The following ROBO2 variants were observed in gnomAD, a reference collection of about 807,000 sequenced individuals.
The protein encoded by ROBO2 is roundabout guidance receptor 2.
ROBO2 carries 53 observed loss-of-function variants against 160.8 expected under a neutral mutation model. That is an observed-to-expected ratio of 0.33 (90% CI 0.26 to 0.41). ROBO2 has a LOEUF of 0.41. Among genes scored for constraint, ROBO2 ranks in the 10% least tolerant of loss-of-function variants. The probability of loss-of-function intolerance (pLI) is 1.00; values close to 1 mark genes in which losing one functional copy is unlikely to be tolerated. For synonymous variants in ROBO2, 664 were observed against 611.7 expected (o/e 1.09, Z -1.26); for missense variants, 1,577 against 1,722.4 (o/e 0.92, Z 1.49).
chr3:76,555,884 C>A (rs981043977), intron 2 of ROBO2, among the ~76,000 whole-genome samples: 5 of 151,956 alleles, frequency 3.3e-5, no homozygotes, highest in Middle Eastern at 3.2e-3. Flanking sequence ...AGTGTGAGAC[C>A]AGCCTGGCCA....
intron 2 of ROBO2, among the ~76,000 whole-genome samples, chr3:76,115,473 A>G (rs1576919884): frequency 1.3e-5 from 2 of 152,144 alleles, no homozygotes; most frequent in African/African-American, 4.8e-5. Flanking sequence ...ACTGTTTACT[A>G]GCTGTGTGAG....
intron 21 of ROBO2, among the ~76,000 whole-genome samples, chr3:77,611,725 T>G (rs922446320): frequency 2.6e-5 from 4 of 152,162 alleles, no homozygotes; most frequent in Non-Finnish European, 5.9e-5. Flanking sequence ...TATCAGAATA[T>G]CAAAAGTTAT....
intron 2 of ROBO2, among the ~76,000 whole-genome samples, chr3:76,267,827 C>G (rs563120142): frequency 7.2e-5 from 11 of 152,192 alleles, no homozygotes; most frequent in African/African-American, 2.6e-4. Flanking sequence ...TCTCTATAAT[C>G]TTCACCCTAA....
intron 2 of ROBO2, among the ~76,000 whole-genome samples, chr3:77,021,930 G>A (rs1288367230): frequency 6.6e-6 from 1 of 152,144 alleles, no homozygotes; most frequent in Non-Finnish European, 1.5e-5. Flanking sequence ...AGAAATATGA[G>A]AAATACATTT....
At chr3:77,293,044 G>A (rs1460715255) in intron 2 of ROBO2, among the ~76,000 whole-genome samples, 1 of 148,540 alleles carries the variant, frequency 6.7e-6, no homozygotes. Context: ...AAAATTGATG[G>A]TTAAATGGGT....
At chr3:76,958,532 C>T (rs895026053) in intron 2 of ROBO2, among the ~76,000 whole-genome samples, 1 of 152,216 alleles carries the variant, frequency 6.6e-6, no homozygotes. Context: ...AGCTTGTGGA[C>T]TTACATTGCT....
chr3:76,606,344 A>G (rs2087654153), intron 2 of ROBO2, among the ~76,000 whole-genome samples: 1 of 152,182 alleles, frequency 6.6e-6, no homozygotes, highest in Admixed American at 6.5e-5. Flanking sequence ...CCAGAACAAA[A>G]CACTCCAAAG....
At chr3:77,588,811 A>C (rs761815883) in exon 17 of ROBO2, 3 of 1,613,596 alleles carry the variant, frequency 1.9e-6, no homozygotes, top group Non-Finnish European at 2.5e-6. Context: ...CAAATCACTG[A>C]TGTGGTGAAG....
At chr3:77,256,226 A>G (rs1023254277) in intron 2 of ROBO2, among the ~76,000 whole-genome samples, 1 of 152,352 alleles carries the variant, frequency 6.6e-6, no homozygotes, top group African/African-American at 2.4e-5. Flanking sequence ...ATAGATGACA[A>G]GCAAAGACAA....
At chr3:77,285,007 T>A (rs2153377417) in intron 2 of ROBO2, among the ~76,000 whole-genome samples, 2 of 152,262 alleles carry the variant, frequency 1.3e-5, no homozygotes, top group African/African-American at 4.8e-5. Context: ...TGGATGATCT[T>A]ACAGGCTAAT....
At chr3:76,967,230 C>CT (rs572930053) in intron 2 of ROBO2, among the ~76,000 whole-genome samples, 1,556 of 140,628 alleles carry the variant, frequency 0.011, 17 homozygotes, top group African/African-American at 0.031. Context: ...CAAAATGTGC[C>CT]TTTTTTTTTT....
intron 1 of ROBO2, among the ~76,000 whole-genome samples, chr3:75,933,890 C>T (rs1947652080): frequency 6.6e-6 from 1 of 152,048 alleles, no homozygotes; most frequent in South Asian, 2.1e-4. Flanking sequence ...TCAGGACTAC[C>T]CTTCCTGGTT....
At chr3:76,134,017 C>T (rs2071333560) in intron 2 of ROBO2, among the ~76,000 whole-genome samples, 1 of 152,056 alleles carries the variant, frequency 6.6e-6, no homozygotes, top group South Asian at 2.1e-4. Context: ...ATCTCACTGT[C>T]CTTTATTCTT....
chr3:76,670,543 G>A (rs1205738419), intron 2 of ROBO2, among the ~76,000 whole-genome samples: 2 of 151,898 alleles, frequency 1.3e-5, no homozygotes, highest in African/African-American at 2.4e-5. Flanking sequence ...GGCTCTAGGC[G>A]CTGTGCTTTC....
At chr3:76,679,883 G>C (rs893745598) in intron 2 of ROBO2, among the ~76,000 whole-genome samples, 1 of 151,894 alleles carries the variant, frequency 6.6e-6, no homozygotes, top group Non-Finnish European at 1.5e-5. Context: ...TTCCTTCTTT[G>C]GCTTATTACA....
At chr3:76,762,072 A>G (rs1362071067) in intron 2 of ROBO2, among the ~76,000 whole-genome samples, 2 of 151,590 alleles carry the variant, frequency 1.3e-5, no homozygotes, top group Non-Finnish European at 3.0e-5. Flanking sequence ...ACCTAAGTTG[A>G]ACTTCATAAT....
At chr3:76,841,663 G>A (rs2068276626) in intron 2 of ROBO2, among the ~76,000 whole-genome samples, 1 of 152,182 alleles carries the variant, frequency 6.6e-6, no homozygotes, top group Admixed American at 6.5e-5. Flanking sequence ...ACACAGAACA[G>A]AGAGGACCAT....
chr3:76,052,390 G>A (rs1406684595), intron 2 of ROBO2, among the ~76,000 whole-genome samples: 1 of 151,948 alleles, frequency 6.6e-6, no homozygotes, highest in Non-Finnish European at 1.5e-5. Context: ...ACAAAATAAT[G>A]GGTTTAATTT....
chr3:77,522,710 A>G (rs2090729865), intron 5 of ROBO2, 65 bp from the exon 6 acceptor site: 1 of 1,514,406 alleles, frequency 6.6e-7, no homozygotes, highest in Non-Finnish European at 9.1e-7. Flanking sequence ...AATGAAGATG[A>G]ATACTTAATG....
Sources: gnomAD v4.1 joint callset for allele counts (sites outside exome capture counted in the v4.1 genomes callset) on GRCh38, gnomAD v4.1.1 for gene constraint, MANE v1.5 for transcripts, NCBI Gene and HGNC (gene_info 2026-07-23, HGNC 2026-07-21) for gene names.